The following COL4A1 variants were observed in gnomAD, a reference collection of about 807,000 sequenced individuals.
COL4A1 encodes the protein collagen type IV alpha 1 chain, also known as collagen alpha-1(IV) chain.
A neutral mutation model predicts 216.6 loss-of-function variants in COL4A1; 40 were observed. That is an observed-to-expected ratio of 0.18 (90% CI 0.14 to 0.24). The LOEUF (loss-of-function observed/expected upper bound fraction) is 0.24, where lower values mean the gene tolerates loss of function less well. Ranked by LOEUF, COL4A1 falls within the 10% of genes least tolerant of loss-of-function variation. The probability of loss-of-function intolerance (pLI) is 1.00; values close to 1 mark genes in which losing one functional copy is unlikely to be tolerated. For synonymous variants in COL4A1, 839 were observed against 810.7 expected, an observed-to-expected ratio of 1.03 and a Z score of -0.59; for missense variants, 1,628 against 2,196.8, an observed-to-expected ratio of 0.74 and a Z score of 5.18.
intron 21 of COL4A1, 88 bp from the exon 22 acceptor site, chr13:110,195,206 T>G (rs763689374): frequency 2.9e-6 from 3 of 1,047,652 alleles, no homozygotes; most frequent in Admixed American, 1.8e-5. Context: ...CCAAAATATT[T>G]TAGGCTATTT....
chr13:110,189,028 A>G (rs934259892), intron 24 of COL4A1, among the ~76,000 whole-genome samples: 1 of 152,146 alleles, frequency 6.6e-6, no homozygotes, highest in African/African-American at 2.4e-5. Context: ...TACAGTGACT[A>G]CATTTGTTTT....
chr13:110,247,961 G>C (rs1485213301), intron 1 of COL4A1, among the ~76,000 whole-genome samples: 1 of 147,280 alleles, frequency 6.8e-6, no homozygotes, highest in Non-Finnish European at 1.5e-5. Flanking sequence ...TCAATTTTCT[G>C]ATTTTTTTTC....
chr13:110,167,305 A>T (rs1180173215), intron 43 of COL4A1, 75 bp from the exon 44 acceptor site: 15 of 1,134,822 alleles, frequency 1.3e-5, no homozygotes, highest in Non-Finnish European at 1.9e-5. Context: ...TGCTAGTTGG[A>T]AAATGGAAAC....
rs1235111753 is a variant in COL4A1, at chr13:110,192,269, G to T, written c.1481C>A (p.Pro494Gln). 6.2e-7 allele frequency: 1 copy of T among 1,614,018 alleles called. No individual in the cohort carries two copies. Among genetic ancestry groups the T allele is most frequent in the Non-Finnish European group, 8.5e-7 (1 of 1,180,038 alleles). ...CAAACCTCTGTCGCCCTTGGCCCCT[G>T]GCTGCCCTGGGAAACCTTTCGTGAG... ...PPGEIGFPGQ[P>Q]GAKGDRGLPG... Residue 494 changes from proline to glutamine, a missense_variant, in exon 24 of 52, where the codon CCA becomes CAA. Around this residue, in one of 8 missense-constraint regions of COL4A1, gnomAD observed 701 missense variants for 892.5 expected, o/e 0.79. Transcript: ENST00000375820.
intron 36 of COL4A1, among the ~76,000 whole-genome samples, chr13:110,176,131 A>T (rs1036146742): frequency 1.3e-5 from 2 of 152,254 alleles, no homozygotes; most frequent in African/African-American, 4.8e-5. Flanking sequence ...GTCGTCTCTT[A>T]GGGAGATCCT....
At chr13:110,303,411 C>G (rs1884570542) in intron 1 of COL4A1, among the ~76,000 whole-genome samples, 1 of 152,032 alleles carries the variant, frequency 6.6e-6, no homozygotes, top group African/African-American at 2.4e-5. Flanking sequence ...ATTCTTTCCA[C>G]CCCTCTGAGA....
intron 3 of COL4A1, 31 bp downstream of exon 3, chr13:110,213,895 C>T (rs1225033885): frequency 6.2e-7 from 1 of 1,612,662 alleles, no homozygotes; most frequent in Non-Finnish European, 8.5e-7. Context: ...ATCTTACATC[C>T]ACCCACCCCC....
chr13:110,189,322 C>T (rs1392142737), intron 24 of COL4A1, among the ~76,000 whole-genome samples: 1 of 152,220 alleles, frequency 6.6e-6, no homozygotes, highest in East Asian at 1.9e-4. Context: ...CTCGGCCTCC[C>T]AAAGTGCTGG....
At position 110,187,217 on chromosome 13, in the gene COL4A1, C is replaced by T. The variant is rs1299981666; in HGVS notation, c.1649G>A (p.Gly550Glu). The change falls in exon 25 of 52, where the codon GGA (glycine) becomes GAA (glutamate). Residue 550 changes from glycine (G) to glutamate (E), a missense_variant. By Grantham distance (98) the Gly-to-Glu change is moderately conservative (BLOSUM62 -2). Around this residue, in one of 8 missense-constraint regions of COL4A1, gnomAD observed 701 missense variants for 892.5 expected, o/e 0.79. Coordinates refer to ENST00000375820, the MANE Select transcript of COL4A1 (RefSeq NM_001845.6). ...CGCTCTCCCTGGCATGCCGGGCTGT[C>T]CTGGAAAGCCTGGGTCTCCTTTGTC... ...KGDKGDPGFP[G>E]QPGMPGRAGS... 6.2e-7 allele frequency: 1 copy of T among 1,613,842 alleles called. No individual in the cohort carries two copies. Among genetic ancestry groups the T allele is most frequent in the Non-Finnish European group, 8.5e-7 (1 of 1,179,930 alleles).
chr13:110,176,022 C>T (rs1468400920), intron 36 of COL4A1, among the ~76,000 whole-genome samples: 3 of 149,872 alleles, frequency 2.0e-5, no homozygotes, highest in Non-Finnish European at 4.4e-5. Flanking sequence ...AAGGCTAGTC[C>T]GGGATTGGAG....
intron 21 of COL4A1, among the ~76,000 whole-genome samples, chr13:110,195,728 T>C (rs1331346329): frequency 6.6e-6 from 1 of 152,202 alleles, no homozygotes; most frequent in Non-Finnish European, 1.5e-5. Flanking sequence ...TTGTTTATTG[T>C]TTTATGATTT....
chr13:110,218,758 G>C (rs1260634599), intron 2 of COL4A1, among the ~76,000 whole-genome samples: 1 of 152,188 alleles, frequency 6.6e-6, no homozygotes, highest in Non-Finnish European at 1.5e-5. Flanking sequence ...GAGAGGTGCA[G>C]GGCAAGCTGC....
At chr13:110,282,872 T>C (rs2139302129) in intron 1 of COL4A1, among the ~76,000 whole-genome samples, 1 of 152,360 alleles carries the variant, frequency 6.6e-6, no homozygotes, top group East Asian at 1.9e-4. Flanking sequence ...TGATATGTGA[T>C]TTCTGGAATT....
chr13:110,216,306 A>C (rs1381154515), intron 2 of COL4A1, among the ~76,000 whole-genome samples: 2 of 152,184 alleles, frequency 1.3e-5, no homozygotes, highest in African/African-American at 4.8e-5. Context: ...AATGGCAGAA[A>C]ATCCTGCTGT....
At chr13:110,228,571 C>T (rs533602872) in intron 2 of COL4A1, among the ~76,000 whole-genome samples, 2 of 152,176 alleles carry the variant, frequency 1.3e-5, no homozygotes, top group East Asian at 1.9e-4. Context: ...GGAAGACACA[C>T]ATTTAGGATT....
chr13:110,305,329 G>A (rs189935698), intron 1 of COL4A1, among the ~76,000 whole-genome samples: 4 of 152,348 alleles, frequency 2.6e-5, no homozygotes, highest in East Asian at 1.9e-4. Flanking sequence ...ACATTAATGC[G>A]TTTGATTTCC....
chr13:110,222,387 C>G (rs970961795), intron 2 of COL4A1, among the ~76,000 whole-genome samples: 10 of 152,152 alleles, frequency 6.6e-5, no homozygotes, highest in Admixed American at 2.6e-4. Flanking sequence ...GAGGAGTCTC[C>G]GTGGGCTGCA....
At chr13:110,292,367 C>G (rs1594122175) in intron 1 of COL4A1, among the ~76,000 whole-genome samples, 1 of 152,146 alleles carries the variant, frequency 6.6e-6, no homozygotes, top group East Asian at 1.9e-4. Flanking sequence ...CACGGGCCCC[C>G]CAAAAGAGGC....
At chr13:110,221,353 C>A (rs1880469150) in intron 2 of COL4A1, among the ~76,000 whole-genome samples, 2 of 152,140 alleles carry the variant, frequency 1.3e-5, no homozygotes, top group South Asian at 2.1e-4. Context: ...TAAAAAGAGT[C>A]CTTCAGAAAA....
Sources: gnomAD v4.1 joint callset for allele counts (sites outside exome capture counted in the v4.1 genomes callset) on GRCh38, gnomAD v4.1.1 for gene constraint, gnomAD v4.1.1 regional missense constraint, MANE v1.5 for transcripts, NCBI Gene and HGNC (gene_info 2026-07-23, HGNC 2026-07-21) for gene names.